KLHDC10: variants seen among roughly 807,000 people sequenced by gnomAD.
KLHDC10 encodes kelch domain-containing protein 10.
Under a neutral mutation model 56.1 loss-of-function variants are expected in KLHDC10, and 24 were observed. That is an observed-to-expected ratio of 0.43 (90% CI 0.31 to 0.60). The LOEUF (loss-of-function observed/expected upper bound fraction) is 0.60. KLHDC10 is among the 20% of genes least tolerant of loss of function. The probability of loss-of-function intolerance (pLI) is 0.11; values close to 1 mark genes in which losing one functional copy is unlikely to be tolerated. For missense variants in KLHDC10, 349 were observed against 567.0 expected (o/e 0.62, Z 3.91); for synonymous variants, 188 against 207.1 (o/e 0.91, Z 0.79).
chr7:130,103,787 T>C (rs1303600493), intron 2 of KLHDC10, among the ~76,000 whole-genome samples: 1 of 152,084 alleles, frequency 6.6e-6, no homozygotes, highest in Non-Finnish European at 1.5e-5. Flanking sequence ...GAAGATGTAC[T>C]CTGGTAAAAT....
At chr7:130,128,914 A>G (rs2116922151) in intron 8 of KLHDC10, among the ~76,000 whole-genome samples, 1 of 134,616 alleles carries the variant, frequency 7.4e-6, no homozygotes, top group African/African-American at 2.8e-5. Context: ...ATATATATAT[A>G]TATATACATA....
chr7:130,081,278 C>T (rs945797469), intron 1 of KLHDC10, among the ~76,000 whole-genome samples: 4 of 151,526 alleles, frequency 2.6e-5, no homozygotes, highest in Non-Finnish European at 4.4e-5. Context: ...GGATTACAGG[C>T]GTGAGCCACC....
intron 2 of KLHDC10, among the ~76,000 whole-genome samples, chr7:130,106,189 T>G (rs1267407498): frequency 6.6e-6 from 1 of 152,164 alleles, no homozygotes; most frequent in Non-Finnish European, 1.5e-5. Flanking sequence ...ACATTTATAT[T>G]TATGTAAATT....
chr7:130,076,023 A>G (rs958417035), intron 1 of KLHDC10, among the ~76,000 whole-genome samples: 5 of 151,872 alleles, frequency 3.3e-5, no homozygotes, highest in African/African-American at 4.8e-5. Context: ...GTGGAAGACA[A>G]TTTTTCCATG....
At chr7:130,092,620 G>A (rs762285122) in intron 1 of KLHDC10, among the ~76,000 whole-genome samples, 8 of 152,154 alleles carry the variant, frequency 5.3e-5, no homozygotes, top group Non-Finnish European at 1.2e-4. Context: ...TCTGATCCCA[G>A]TGTTCACACT....
In KLHDC10 at chr7:130,120,580, C is replaced by T. The variant is rs539530277; in HGVS notation, c.476-169C>T. 6.6e-6 allele frequency among the ~76,000 whole-genome samples: 1 copy of T among 152,268 alleles called. No individual in the cohort carries two copies. The highest frequency in any genetic ancestry group is 2.1e-4 in the South Asian group (1 of 4,830). Reference sequence around the variant, plus strand: ...CTAATTCGGATTTTGAATTAGACTTCAGATTTTCAGATTTGGCACGCTCAG... The same window carrying T: ...CTAATTCGGATTTTGAATTAGACTTTAGATTTTCAGATTTGGCACGCTCAG... On this transcript the variant is annotated intron_variant, in intron 3 of 9. Transcript: ENST00000335420. The surrounding 1 kb of genome is among the most constrained non-coding windows in gnomAD (Gnocchi z 5.1).
At chr7:130,100,168 G>C (rs1010908468) in intron 2 of KLHDC10, among the ~76,000 whole-genome samples, 1 of 151,530 alleles carries the variant, frequency 6.6e-6, no homozygotes, top group Non-Finnish European at 1.5e-5. Flanking sequence ...GAAATTAGAT[G>C]TAGATTTTAG....
chr7:130,109,416 A>T (rs1040367493), intron 2 of KLHDC10, among the ~76,000 whole-genome samples: 27 of 151,952 alleles, frequency 1.8e-4, no homozygotes, highest in Non-Finnish European at 3.1e-4. Context: ...CGGTACAGAT[A>T]GGGTTTCACT....
chr7:130,094,422 TTAAAA>T (rs1046546120), intron 1 of KLHDC10, among the ~76,000 whole-genome samples: 7 of 152,120 alleles, frequency 4.6e-5, no homozygotes, highest in African/African-American at 1.7e-4. Context: ...TTTTAAAAAA[TTAAAA>T]TAATACAGTA....
chr7:130,101,537 T>C (rs1160252563), intron 2 of KLHDC10, among the ~76,000 whole-genome samples: 2 of 152,248 alleles, frequency 1.3e-5, no homozygotes, highest in African/African-American at 4.8e-5. Context: ...AACAGTTACT[T>C]CCCCTACTCC....
At chr7:130,113,505 G>A (rs759722095) in intron 2 of KLHDC10, among the ~76,000 whole-genome samples, 8 of 151,984 alleles carry the variant, frequency 5.3e-5, no homozygotes, top group East Asian at 3.9e-4. Context: ...GCTAGTTTTC[G>A]TATTTTTAGT....
At chr7:130,075,823 C>T (rs958675353) in intron 1 of KLHDC10, among the ~76,000 whole-genome samples, 4 of 152,070 alleles carry the variant, frequency 2.6e-5, no homozygotes, top group African/African-American at 9.7e-5. Flanking sequence ...GGTTATCAAA[C>T]GTTATTTAAA....
chr7:130,091,319 T>G (rs567310307), intron 1 of KLHDC10, among the ~76,000 whole-genome samples: 1 of 152,228 alleles, frequency 6.6e-6, no homozygotes, highest in East Asian at 1.9e-4. Flanking sequence ...GTATAACTCA[T>G]CCAGTTCCTC....
At chr7:130,093,733 G>A (rs549893135) in intron 1 of KLHDC10, among the ~76,000 whole-genome samples, 2 of 152,032 alleles carry the variant, frequency 1.3e-5, no homozygotes, top group Admixed American at 1.3e-4. Flanking sequence ...TCTGCTCTTT[G>A]GGTGAAAGAA....
chr7:130,100,421 A>G (rs1034247997), intron 2 of KLHDC10, among the ~76,000 whole-genome samples: 2 of 152,204 alleles, frequency 1.3e-5, no homozygotes, highest in Non-Finnish European at 2.9e-5. Context: ...GGCAGGGACA[A>G]TAGGACAGTG....
chr7:130,134,446 A>C lies in KLHDC10; in HGVS notation c.*3700A>C, dbSNP rs1459927458. On this transcript the variant is annotated 3_prime_UTR_variant, in exon 10 of 10. Transcript: ENST00000335420. Reference sequence around the variant, plus strand: ...ACTCTTAGTACCTACGGGAAGGAAAAGCTGTGTGCGACACAGAGGAAACTC... The same window carrying C: ...ACTCTTAGTACCTACGGGAAGGAAACGCTGTGTGCGACACAGAGGAAACTC... The C allele has an allele frequency of 6.6e-6, 1 of 152,190 alleles. No homozygotes were observed. Among genetic ancestry groups the C allele is most frequent in the Non-Finnish European group, 1.5e-5 (1 of 68,036 alleles). 9.4% of individuals were successfully genotyped at this position (152,190 alleles called of 1,614,324 possible).
chr7:130,109,684 G>C (rs1293899601), intron 2 of KLHDC10, among the ~76,000 whole-genome samples: 1 of 152,146 alleles, frequency 6.6e-6, no homozygotes, highest in African/African-American at 2.4e-5. Context: ...TGTTGCCCAG[G>C]CTGGAGTGCA....
rs1054147443 is a variant in KLHDC10, at chr7:130,120,380, T to C, written c.476-369T>C. Among the ~76,000 whole-genome samples, 1 of 152,230 alleles carries C rather than the reference T, an allele frequency of 6.6e-6. No homozygotes were observed. Among genetic ancestry groups the C allele is most frequent in the Non-Finnish European group, 1.5e-5 (1 of 68,036 alleles). On this transcript the variant is annotated intron_variant, in intron 3 of 9. Transcript: ENST00000335420. The surrounding 1 kb of genome is among the most constrained non-coding windows in gnomAD (Gnocchi z 5.1). Reference sequence around the variant, plus strand: ...AATTAGATCTTTTTCTGCAGAACTTTGTAGTATAGGCTATGTATCCCTTAT... The same window carrying C: ...AATTAGATCTTTTTCTGCAGAACTTCGTAGTATAGGCTATGTATCCCTTAT...
At chr7:130,089,444 G>A (rs931655534) in intron 1 of KLHDC10, among the ~76,000 whole-genome samples, 6 of 151,666 alleles carry the variant, frequency 4.0e-5, no homozygotes, top group African/African-American at 1.5e-4. Flanking sequence ...CCCATGCCCC[G>A]CCAAAAAAAA....
Sources: gnomAD v4.1 joint callset for allele counts (sites outside exome capture counted in the v4.1 genomes callset) on GRCh38, gnomAD v4.1.1 for gene constraint, Gnocchi (gnomAD v3.1) non-coding constraint, MANE v1.5 for transcripts, NCBI Gene and HGNC (gene_info 2026-07-23, HGNC 2026-07-21) for gene names.